PANK3: variants seen among roughly 807,000 people sequenced by gnomAD.
PANK3 encodes pantothenate kinase 3.
A neutral mutation model predicts 39.4 loss-of-function variants in PANK3; 20 were observed. The ratio of observed to expected loss-of-function variants is 0.51; its 90% confidence interval spans 0.36 to 0.74. The LOEUF is 0.74. Among genes scored for constraint, PANK3 ranks in the 30% least tolerant of loss-of-function variants. The pLI is 0.00. For missense variants in PANK3, 265 were observed against 437.0 expected (o/e 0.61, Z 3.51); for synonymous variants, 140 against 157.3 (o/e 0.89, Z 0.82).
chr5:168,559,294 A>ATTCCTGG (rs1554125368), intron 5 of PANK3, 137 bp from the exon 6 acceptor site: 1 of 543,524 alleles, frequency 1.8e-6, no homozygotes, highest in Non-Finnish European at 3.0e-6. Flanking sequence ...CACCTACTAC[A>ATTCCTGG]TTCCTGGCAT....
At chr5:168,566,523 T>C (rs770228257) in intron 2 of PANK3, among the ~76,000 whole-genome samples, 1 of 152,212 alleles carries the variant, frequency 6.6e-6, no homozygotes, top group Non-Finnish European at 1.5e-5. Context: ...CAGGGACTTG[T>C]GATGCCAGAC....
rs1177125371 is a variant in PANK3 at position 168,554,082 on chromosome 5, AT to A, written c.*3488del. On this transcript the variant is annotated 3_prime_UTR_variant, in exon 7 of 7. Coordinates refer to ENST00000239231, the MANE Select transcript of PANK3 (RefSeq NM_024594.4). ...TAAACAAAAGCATAATAGTTCCAAAATTTGTAAAGCCTTTTACCTGGGAATT... is the reference window on the plus strand; with the variant it reads ...TAAACAAAAGCATAATAGTTCCAAAATTGTAAAGCCTTTTACCTGGGAATT... 1 of 152,202 alleles carries A rather than the reference AT, an allele frequency of 6.6e-6. No individual in the cohort carries two copies. The highest frequency in any genetic ancestry group is 1.9e-4 in the East Asian group (1 of 5,200). 9.4% of individuals were successfully genotyped at this position (152,202 alleles called of 1,614,324 possible). A position where few individuals can be genotyped will look rare whatever the true frequency, so the allele number is the denominator to read the frequency against.
intron 1 of PANK3, among the ~76,000 whole-genome samples, chr5:168,575,127 C>T (rs1243354074): frequency 6.6e-6 from 1 of 152,074 alleles, no homozygotes; most frequent in African/African-American, 2.4e-5. Flanking sequence ...GGTCAATATA[C>T]AGTCCCAGAC....
At chr5:168,577,840 C>G (rs1354771661) in intron 1 of PANK3, among the ~76,000 whole-genome samples, 2 of 152,162 alleles carry the variant, frequency 1.3e-5, no homozygotes, top group African/African-American at 4.8e-5. Context: ...CTAAGAGAAG[C>G]AGAGAAAACG....
Position 168,552,921 on chromosome 5 carries a change from G to T in PANK3, c.*4650C>A. ...GAGAGAGCTGGAGCATGATGGAAAT[G>T]ACAGTGGGTTGTTGGTAGCTGGGTA... On this transcript the variant is annotated 3_prime_UTR_variant, in exon 7 of 7. Coordinates refer to ENST00000239231, the MANE Select transcript of PANK3 (RefSeq NM_024594.4). 4.7e-6 allele frequency: 1 copy of T among 212,602 alleles called. No individual in the cohort carries two copies. The highest frequency in any genetic ancestry group is 8.5e-5 in the South Asian group (1 of 11,696). The allele number at this position is 212,602 out of a possible 1,614,324, so 13.2% of individuals were successfully genotyped here. A position where few individuals can be genotyped will look rare whatever the true frequency, so the allele number is the denominator to read the frequency against.
rs1179737436 is a variant in PANK3 at position 168,550,712 on chromosome 5, A to C, written c.*6859T>G. 3 of 152,124 alleles carry C rather than the reference A, an allele frequency of 2.0e-5. No individual in the cohort carries two copies. The highest frequency in any genetic ancestry group is 4.4e-5 in the Non-Finnish European group (3 of 67,992). The allele number at this position is 152,124 out of a possible 1,614,324, so 9.4% of individuals were successfully genotyped here. On this transcript the variant is annotated 3_prime_UTR_variant, in exon 7 of 7. Coordinates refer to ENST00000239231, the MANE Select transcript of PANK3 (RefSeq NM_024594.4). Reference sequence around the variant, plus strand: ...ATAAGCACTAAATATTAACTCCAAAACATGACACCAAATACCTGAAAAAAA... The same window carrying C: ...ATAAGCACTAAATATTAACTCCAAACCATGACACCAAATACCTGAAAAAAA...
chr5:168,553,229 C>A lies in PANK3; in HGVS notation c.*4342G>T. 2.0e-6 allele frequency: 1 copy of A among 505,736 alleles called. No homozygotes were observed. The allele number at this position is 505,736 out of a possible 1,614,324, so 31.3% of individuals were successfully genotyped here. A position where few individuals can be genotyped will look rare whatever the true frequency, so the allele number is the denominator to read the frequency against. ...CCAAAGATCTGGATCTCCAGAATAC[C>A]AACGACGTCCAGCTGGTTGAGAGCA... On this transcript the variant is annotated 3_prime_UTR_variant, in exon 7 of 7. Coordinates refer to ENST00000239231, the MANE Select transcript of PANK3 (RefSeq NM_024594.4).
Position 168,555,851 on chromosome 5 carries a change from T to G in PANK3, c.*1720A>C, listed in dbSNP as rs1256328612. 6.6e-6 allele frequency: 1 copy of G among 152,280 alleles called. No homozygotes were observed. Among genetic ancestry groups the G allele is most frequent in the Non-Finnish European group, 1.5e-5 (1 of 68,056 alleles). 9.4% of individuals were successfully genotyped at this position (152,280 alleles called of 1,614,324 possible). A position where few individuals can be genotyped will look rare whatever the true frequency, so the allele number is the denominator to read the frequency against. On this transcript the variant is annotated 3_prime_UTR_variant, in exon 7 of 7. Coordinates refer to ENST00000239231, the MANE Select transcript of PANK3 (RefSeq NM_024594.4). ...CTTATTATTCCTGAAATATCTCATATTGGCATCCTGCCATTTCATTGTAGT... is the reference window on the plus strand; with the variant it reads ...CTTATTATTCCTGAAATATCTCATAGTGGCATCCTGCCATTTCATTGTAGT...
chr5:168,569,180 G>GTTTTTTTTT, intron 1 of PANK3, among the ~76,000 whole-genome samples, 182 bp from the exon 2 acceptor site: 1 of 115,940 alleles, frequency 8.6e-6, no homozygotes, highest in Admixed American at 8.6e-5. Context: ...TCCCTTCAAA[G>GTTTTTTTTT]TTTTTTTTTT....
chr5:168,557,964 A>G (rs997166423), intron 6 of PANK3, among the ~76,000 whole-genome samples: 1 of 152,136 alleles, frequency 6.6e-6, no homozygotes, highest in African/African-American at 2.4e-5. Flanking sequence ...GTATTCTAAA[A>G]GTGTGGCCTT....
chr5:168,576,058 G>A (rs1266494912), intron 1 of PANK3, among the ~76,000 whole-genome samples: 2 of 152,146 alleles, frequency 1.3e-5, no homozygotes, highest in Non-Finnish European at 2.9e-5. Flanking sequence ...ATCATCTTCA[G>A]ACCCTCAGTA....
At chr5:168,560,971 G>A (rs942570589) in intron 5 of PANK3, 5 of 506,790 alleles carry the variant, frequency 9.9e-6, no homozygotes, top group Admixed American at 2.0e-5. Context: ...GCCGAGGGCA[G>A]TAAGAAAACT....
In PANK3 at chr5:168,553,126, C is replaced by G. The variant is rs981026586; in HGVS notation, c.*4445G>C. ...TCCAGGGCAAAATGGAAGGGCTACA[C>G]TTTATAGGACAGCTGGAAGGATGGT... On this transcript the variant is annotated 3_prime_UTR_variant, in exon 7 of 7. Transcript: ENST00000239231. 11 of 444,344 alleles carry G rather than the reference C, an allele frequency of 2.5e-5. No individual in the cohort carries two copies. In the Admixed American group the frequency reaches 2.7e-4, roughly 11 times the overall value. 27.5% of individuals were successfully genotyped at this position (444,344 alleles called of 1,614,324 possible).
intron 1 of PANK3, among the ~76,000 whole-genome samples, chr5:168,569,407 T>A (rs985416619): frequency 2.0e-5 from 3 of 151,544 alleles, no homozygotes; most frequent in Non-Finnish European, 2.9e-5. Flanking sequence ...TTAGCCAGGA[T>A]GGTCTCGATC....
At chr5:168,575,699 T>C (rs770368357) in intron 1 of PANK3, among the ~76,000 whole-genome samples, 3 of 151,958 alleles carry the variant, frequency 2.0e-5, no homozygotes, top group East Asian at 3.9e-4. Context: ...GGGGGGAGGA[T>C]TGCTTGAGCC....
Position 168,550,645 on chromosome 5 carries a change from C to T in PANK3, c.*6926G>A, listed in dbSNP as rs1433820160. The T allele has an allele frequency of 6.6e-6, 1 of 152,076 alleles. No individual in the cohort carries two copies. The highest frequency in any genetic ancestry group is 1.5e-5 in the Non-Finnish European group (1 of 67,986). The allele number at this position is 152,076 out of a possible 1,614,324, so 9.4% of individuals were successfully genotyped here. A position where few individuals can be genotyped will look rare whatever the true frequency, so the allele number is the denominator to read the frequency against. On this transcript the variant is annotated 3_prime_UTR_variant, in exon 7 of 7. Transcript: ENST00000239231. ...TGAGAATCCAATACCTAGTACCTATCAAATATATACCAATAAAAATTATGT... is the reference window on the plus strand; with the variant it reads ...TGAGAATCCAATACCTAGTACCTATTAAATATATACCAATAAAAATTATGT...
At position 168,579,331 on chromosome 5, in the gene PANK3, G is replaced by C; in HGVS notation, c.-48C>G. The C allele has an allele frequency of 1.4e-6, 2 of 1,416,386 alleles. No homozygotes were observed. The highest frequency in any genetic ancestry group is 1.9e-6 in the Non-Finnish European group (2 of 1,077,502). 87.7% of individuals were successfully genotyped at this position (1,416,386 alleles called of 1,614,324 possible). A position where few individuals can be genotyped will look rare whatever the true frequency, so the allele number is the denominator to read the frequency against. ...GACGGCCTCCGATCCGGGGCACTGA[G>C]AGCAGAGGCGGCGACTCCGGAGGTG... On this transcript the variant is annotated 5_prime_UTR_variant, in exon 1 of 7. Transcript: ENST00000239231.
In PANK3 at chr5:168,557,617, T is replaced by A; in HGVS notation, c.1067A>T (p.Tyr356Phe). Reference sequence around the variant, plus strand: ...AAGAAGTGCACCAACTGCTCCAAAGTAACCCTGTGTAATTTAAAAATAACT... The same window carrying A: ...AAGAAGTGCACCAACTGCTCCAAAGAAACCCTGTGTAATTTAAAAATAACT... ...LKALFLEHEG[Y>F]FGAVGALLGL... Residue 356 changes from tyrosine (Y) to phenylalanine (F), a missense_variant, in exon 7 of 7, where the codon TAC becomes TTC. Physicochemically the swap from Tyr to Phe is conservative, Grantham distance 22 (BLOSUM62 3). Around this residue, in one of 3 missense-constraint regions of PANK3, gnomAD observed 110 missense variants for 161.2 expected, o/e 0.68. Coordinates refer to ENST00000239231, the MANE Select transcript of PANK3 (RefSeq NM_024594.4). 2 of 1,613,412 alleles carry A rather than the reference T, an allele frequency of 1.2e-6. No individual in the cohort carries two copies. Among genetic ancestry groups the A allele is most frequent in the Non-Finnish European group, 1.7e-6 (2 of 1,179,624 alleles).
rs1378771114 is a variant in PANK3, at chr5:168,549,115, A to C, written c.*8456T>G. The C allele has an allele frequency of 6.6e-6, 1 of 152,246 alleles. No individual in the cohort carries two copies. The highest frequency in any genetic ancestry group is 1.5e-5 in the Non-Finnish European group (1 of 68,042). 9.4% of individuals were successfully genotyped at this position (152,246 alleles called of 1,614,324 possible). On this transcript the variant is annotated 3_prime_UTR_variant, in exon 7 of 7. Transcript: ENST00000239231. ...GTTTTTTGCTGTAGTTTAAATAAAA[A>C]GTAAAAGCACACAGTGTATAAAAAA...
Sources: gnomAD v4.1 joint callset for allele counts (sites outside exome capture counted in the v4.1 genomes callset) on GRCh38, gnomAD v4.1.1 for gene constraint, gnomAD v4.1.1 regional missense constraint, MANE v1.5 for transcripts, NCBI Gene and HGNC (gene_info 2026-07-23, HGNC 2026-07-21) for gene names.